The following ATG7 variants were observed in gnomAD, a reference collection of about 807,000 sequenced individuals.
ATG7 encodes autophagy related 7.
In ATG7, 70 loss-of-function variants were observed where a neutral mutation model predicts 82.4. That is an observed-to-expected ratio of 0.85 (90% CI 0.70 to 1.04). ATG7 has a LOEUF of 1.04. Ranked by LOEUF, ATG7 falls within the 50% of genes least tolerant of loss-of-function variation. The pLI, the probability that ATG7 is intolerant of heterozygous loss-of-function variation, is 0.00. For missense variants in ATG7, 792 were observed against 864.3 expected (o/e 0.92, Z 1.05); for synonymous variants, 287 against 313.0 (o/e 0.92, Z 0.88).
intron 20 of ATG7, among the ~76,000 whole-genome samples, chr3:11,438,347 G>T (rs1003487977): frequency 6.6e-6 from 1 of 152,148 alleles, no homozygotes; most frequent in African/African-American, 2.4e-5. Flanking sequence ...TCAATATTTT[G>T]AAAAGTCAAA....
chr3:11,464,314 G>T (rs1041554229), intron 20 of ATG7, among the ~76,000 whole-genome samples: 2 of 152,220 alleles, frequency 1.3e-5, no homozygotes, highest in African/African-American at 4.8e-5. Flanking sequence ...CGAGACTGCA[G>T]TGAGCCATGA....
intron 20 of ATG7, among the ~76,000 whole-genome samples, chr3:11,509,613 GCA>G (rs1377540515): frequency 1.3e-5 from 2 of 152,124 alleles, no homozygotes; most frequent in Non-Finnish European, 2.9e-5. Context: ...AGTCTCAGAG[GCA>G]CAGTTGTTTG....
the ATG7 span, among the ~76,000 whole-genome samples, chr3:11,570,471 C>T: frequency 6.6e-6 from 1 of 152,184 alleles, no homozygotes; most frequent in Non-Finnish European, 1.5e-5. Flanking sequence ...CTGGCTGGAC[C>T]GTGCACTCCC....
chr3:11,566,559 T>C, the ATG7 span, among the ~76,000 whole-genome samples: 1 of 152,188 alleles, frequency 6.6e-6, no homozygotes. Context: ...CGTCCTCATC[T>C]CTGGCTTCAC....
chr3:11,348,210 C>A, intron 14 of ATG7, 175 bp downstream of exon 14: 2 of 872,170 alleles, frequency 2.3e-6, no homozygotes, highest in Non-Finnish European at 3.4e-6. Flanking sequence ...AAAAACACAA[C>A]CAGGTCAGGC....
intron 20 of ATG7, among the ~76,000 whole-genome samples, chr3:11,525,112 C>T (rs2092543068): frequency 6.6e-6 from 1 of 151,886 alleles, no homozygotes; most frequent in Admixed American, 6.6e-5. Context: ...TCTCAGCCCA[C>T]TGCAACCTCC....
intron 18 of ATG7, among the ~76,000 whole-genome samples, chr3:11,365,318 C>T (rs1481975900): frequency 6.6e-6 from 1 of 152,100 alleles, no homozygotes; most frequent in African/African-American, 2.4e-5. Flanking sequence ...ACATTAGAAG[C>T]ATGCAGGGTC....
At chr3:11,576,278 T>C in the ATG7 span, among the ~76,000 whole-genome samples, 4 of 152,346 alleles carry the variant, frequency 2.6e-5, no homozygotes, top group East Asian at 7.7e-4. Context: ...GCAAAACAGA[T>C]GTGTCCCACA....
chr3:11,462,841 T>TTTTA lies in ATG7; in HGVS notation c.2079+35971_2079+35974dup, dbSNP rs200412655. On this transcript the variant is annotated intron_variant, in intron 20 of 20. Coordinates refer to ENST00000693202, the MANE Select transcript of ATG7 (RefSeq NM_001349232.2). ...AAGGGCCCTGGCTCCTCTCAGATATTTTTATTTATTTATTTATTTATTTAT... is the reference window on the plus strand; with the variant it reads ...AAGGGCCCTGGCTCCTCTCAGATATTTTTATTTATTTATTTATTTATTTATTTAT... Among the ~76,000 whole-genome samples, 1,238 of 135,434 alleles carry TTTTA rather than the reference T, an allele frequency of 9.1e-3. 11 individuals are homozygous for TTTTA. The highest frequency in any genetic ancestry group is 0.016 in the African/African-American group (591 of 36,358). 88.8% of individuals were successfully genotyped at this position (135,434 alleles called of 152,430 possible).
At chr3:11,327,743 C>T (rs1231343505) in intron 9 of ATG7, among the ~76,000 whole-genome samples, 1 of 152,208 alleles carries the variant, frequency 6.6e-6, no homozygotes, top group Non-Finnish European at 1.5e-5. Context: ...GATACCCAAG[C>T]ATCTTCAAGT....
the ATG7 span, among the ~76,000 whole-genome samples, chr3:11,567,785 C>A: frequency 3.2e-4 from 49 of 152,364 alleles, no homozygotes; most frequent in African/African-American, 1.1e-3. Context: ...TGTCACCACA[C>A]ATCCTCATCT....
chr3:11,511,226 T>C (rs2092035960), intron 20 of ATG7, among the ~76,000 whole-genome samples: 2 of 152,168 alleles, frequency 1.3e-5, no homozygotes, highest in Non-Finnish European at 2.9e-5. Context: ...TTCTCTTATC[T>C]GGCCCCACCC....
At chr3:11,490,480 T>C (rs893277108) in intron 20 of ATG7, among the ~76,000 whole-genome samples, 8 of 152,206 alleles carry the variant, frequency 5.3e-5, no homozygotes, top group Non-Finnish European at 8.8e-5. Flanking sequence ...TATTTAAAGT[T>C]AATATTGTTA....
intron 18 of ATG7, among the ~76,000 whole-genome samples, chr3:11,375,296 A>T (rs890181173): frequency 1.3e-5 from 2 of 152,196 alleles, no homozygotes; most frequent in African/African-American, 4.8e-5. Context: ...AGAATATGTA[A>T]CAAACTTACA....
At chr3:11,558,720 C>T, downstream of ATG7, 2 of 1,614,124 alleles carry the variant, frequency 1.2e-6, no homozygotes, top group Non-Finnish European at 1.7e-6. Flanking sequence ...TGGTCGTCCA[C>T]GGAGCCCGTG....
At chr3:11,386,227 C>G (rs1035084331) in intron 19 of ATG7, among the ~76,000 whole-genome samples, 1 of 152,172 alleles carries the variant, frequency 6.6e-6, no homozygotes, top group Non-Finnish European at 1.5e-5. Context: ...TCTCTATTGA[C>G]ACTTTATTAG....
At chr3:11,461,920 C>T (rs529674081) in intron 20 of ATG7, among the ~76,000 whole-genome samples, 3 of 152,100 alleles carry the variant, frequency 2.0e-5, no homozygotes, top group South Asian at 4.2e-4. Flanking sequence ...GTCCCAGCTA[C>T]TCAGGAGGCT....
intron 20 of ATG7, among the ~76,000 whole-genome samples, chr3:11,440,674 C>CTTT (rs72177700): frequency 0.029 from 1,139 of 39,464 alleles, 413 homozygotes; most frequent in Middle Eastern, 0.067. Flanking sequence ...TCCCCATTTG[C>CTTT]TTTTTTTTTT....
Position 11,557,579 on chromosome 3 carries a change from TCAAATAC to T in ATG7, c.*2740_*2746del, listed in dbSNP as rs1204447023. On this transcript the variant is annotated 3_prime_UTR_variant, in exon 21 of 21. Coordinates refer to ENST00000693202, the MANE Select transcript of ATG7 (RefSeq NM_001349232.2). ...GCACTACTTGTGAGTAAAGTGAATA[TCAAATAC>T]CAATCTTAGAGTACAACTGTACCAG... The T allele has an allele frequency of 6.6e-6, 1 of 152,606 alleles. No individual in the cohort carries two copies. The highest frequency in any genetic ancestry group is 2.4e-5 in the African/African-American group (1 of 41,470). The allele number at this position is 152,606 out of a possible 1,614,324, so 9.5% of individuals were successfully genotyped here.
Sources: gnomAD v4.1 joint callset for allele counts (sites outside exome capture counted in the v4.1 genomes callset) on GRCh38, gnomAD v4.1.1 for gene constraint, MANE v1.5 for transcripts, NCBI Gene and HGNC (gene_info 2026-07-23, HGNC 2026-07-21) for gene names.